Variants in MAPK8 observed in about 807,000 individuals in gnomAD.
The protein encoded by MAPK8 is mitogen-activated protein kinase 8.
Under a neutral mutation model 52.9 loss-of-function variants are expected in MAPK8, and 13 were observed. That is an observed-to-expected ratio of 0.25 (90% confidence interval 0.16 to 0.39). The LOEUF (loss-of-function observed/expected upper bound fraction) is 0.39, where lower values mean the gene tolerates loss of function less well. Ranked by LOEUF, MAPK8 falls within the 10% of genes least tolerant of loss-of-function variation. MAPK8 has a pLI of 1.00. For missense variants in MAPK8, 300 were observed against 519.2 expected (o/e 0.58, Z 4.10); for synonymous variants, 191 against 169.8 (o/e 1.12, Z -0.97).
intron 1 of MAPK8, among the ~76,000 whole-genome samples, chr10:48,321,168 G>T (rs1842963804): frequency 6.7e-6 from 1 of 149,788 alleles, no homozygotes; most frequent in Non-Finnish European, 1.5e-5. Flanking sequence ...TGCAACCTGG[G>T]CTCACTGCAG....
intron 5 of MAPK8, 48 bp from the exon 6 acceptor site, chr10:48,420,107 T>G: frequency 1.0e-5 from 14 of 1,375,744 alleles, no homozygotes; most frequent in Middle Eastern, 2.0e-4. Context: ...AACTGTAGGA[T>G]TTTCCTATAT....
intron 11 of MAPK8, among the ~76,000 whole-genome samples, chr10:48,433,155 A>T (rs1233773412): frequency 6.6e-6 from 1 of 152,192 alleles, no homozygotes; most frequent in Non-Finnish European, 1.5e-5. Flanking sequence ...CCATTCAGAT[A>T]TTTGAGAATT....
intron 1 of MAPK8, among the ~76,000 whole-genome samples, chr10:48,382,360 T>G (rs2041052411): frequency 6.6e-6 from 1 of 152,184 alleles, no homozygotes; most frequent in Non-Finnish European, 1.5e-5. Flanking sequence ...TGAAAAATAT[T>G]TGGGATTATT....
Position 48,425,931 on chromosome 10 carries a change from A to G in MAPK8, c.732A>G (p.Pro244=), listed in dbSNP as rs1398545773. 2.5e-6 allele frequency: 4 copies of G among 1,612,026 alleles called. No homozygotes were observed. Among genetic ancestry groups the G allele is most frequent in the Admixed American group, 1.7e-5 (1 of 59,954 alleles). The change falls in exon 8 of 12, where the codon CCA becomes CCG. Residue 244 remains proline, a synonymous_variant. Transcript: ENST00000374189. ...WNKVIEQLGT[P]CPEFMKKLQP... ...AAGTTATTGAACAGCTTGGAACACC[A>G]TGTCCTGAATTCATGAAGAAACTGC...
intron 1 of MAPK8, among the ~76,000 whole-genome samples, chr10:48,330,736 A>G (rs1844055370): frequency 6.6e-6 from 1 of 152,192 alleles, no homozygotes; most frequent in Non-Finnish European, 1.5e-5. Flanking sequence ...CTATGGGGTT[A>G]CAGTCTTCCC....
intron 1 of MAPK8, among the ~76,000 whole-genome samples, chr10:48,324,871 C>T (rs1041014451): frequency 2.6e-5 from 4 of 152,102 alleles, no homozygotes; most frequent in East Asian, 1.9e-4. Flanking sequence ...CTTTGAATAT[C>T]CTGTTTTCCA....
At chr10:48,349,595 A>G (rs1324819065) in intron 1 of MAPK8, among the ~76,000 whole-genome samples, 1 of 152,258 alleles carries the variant, frequency 6.6e-6, no homozygotes, top group East Asian at 1.9e-4. Flanking sequence ...ACAATGTATC[A>G]GAATCTCTGG....
chr10:48,424,621 A>G, intron 7 of MAPK8: 1 of 1,430,654 alleles, frequency 7.0e-7, no homozygotes, highest in Non-Finnish European at 9.5e-7. Context: ...TAGTTTCTAA[A>G]GGTCAAAATG....
chr10:48,415,426 C>T (rs547621007), intron 5 of MAPK8, among the ~76,000 whole-genome samples: 2 of 152,176 alleles, frequency 1.3e-5, no homozygotes, highest in African/African-American at 4.8e-5. Context: ...ACAACAAGAA[C>T]CACAAAAAAC....
intron 4 of MAPK8, 21 bp downstream of exon 4, chr10:48,409,958 T>A: frequency 6.2e-7 from 1 of 1,609,180 alleles, no homozygotes; most frequent in Non-Finnish European, 8.5e-7. Context: ...TAATTAAAAT[T>A]TTGTTAAGTT....
intron 1 of MAPK8, among the ~76,000 whole-genome samples, chr10:48,355,963 C>G (rs758065410): frequency 6.6e-6 from 1 of 152,144 alleles, no homozygotes; most frequent in Non-Finnish European, 1.5e-5. Flanking sequence ...GAATTTTATA[C>G]TAAGAGAATA....
At chr10:48,403,757 G>GA (rs1564588647) in intron 2 of MAPK8, among the ~76,000 whole-genome samples, 2 of 148,504 alleles carry the variant, frequency 1.3e-5, no homozygotes. Flanking sequence ...TTGTTTTTTT[G>GA]TTTTTTTTTG....
At chr10:48,326,337 T>C (rs766394238) in intron 1 of MAPK8, among the ~76,000 whole-genome samples, 2 of 152,214 alleles carry the variant, frequency 1.3e-5, no homozygotes, top group Admixed American at 6.5e-5. Flanking sequence ...ATTTGGCCAT[T>C]GGGAACCCCT....
intron 1 of MAPK8, among the ~76,000 whole-genome samples, chr10:48,360,619 A>G (rs559755489): frequency 1.7e-4 from 26 of 152,314 alleles, no homozygotes; most frequent in African/African-American, 5.8e-4. Flanking sequence ...ATATCATTCC[A>G]TAGGCCCAAT....
chr10:48,394,149 C>T (rs1314577369), intron 1 of MAPK8, among the ~76,000 whole-genome samples: 1 of 151,740 alleles, frequency 6.6e-6, no homozygotes, highest in East Asian at 1.9e-4. Flanking sequence ...TAAAACATTC[C>T]CTCAAAAAGA....
intron 1 of MAPK8, among the ~76,000 whole-genome samples, chr10:48,324,503 G>GTTGTTTTTT (rs1843291568): frequency 8.5e-6 from 1 of 118,020 alleles, no homozygotes; most frequent in African/African-American, 3.6e-5. Flanking sequence ...CTGTTTTCTA[G>GTTGTTTTTT]TTTTTTTTTT....
chr10:48,312,794 T>A (rs1400974246), intron 1 of MAPK8, among the ~76,000 whole-genome samples: 1 of 152,250 alleles, frequency 6.6e-6, no homozygotes, highest in Non-Finnish European at 1.5e-5. Flanking sequence ...AAAGTCTTAA[T>A]GTTTTAATTT....
At chr10:48,426,578 A>G in intron 9 of MAPK8, 74 bp downstream of exon 9, 1 of 1,389,380 alleles carries the variant, frequency 7.2e-7, no homozygotes, top group Non-Finnish European at 9.8e-7. Flanking sequence ...TTTGGAGGAG[A>G]CCTTTTAATT....
chr10:48,422,769 ATATT>A (rs1446226197), intron 6 of MAPK8, among the ~76,000 whole-genome samples: 1 of 152,194 alleles, frequency 6.6e-6, no homozygotes, highest in East Asian at 1.9e-4. Context: ...AAATATGAAA[ATATT>A]CATTCATTTT....
Sources: allele counts gnomAD v4.1 joint callset (sites outside exome capture counted in the v4.1 genomes callset), GRCh38; gene constraint gnomAD v4.1.1; transcripts MANE v1.5; gene names NCBI Gene and HGNC (gene_info 2026-07-23, HGNC 2026-07-21).